The following KCNC2 variants were observed in gnomAD, a reference collection of about 807,000 sequenced individuals.
KCNC2 encodes the protein potassium voltage-gated channel subfamily C member 2.
A neutral mutation model predicts 44.5 loss-of-function variants in KCNC2; 21 were observed. That is an observed-to-expected ratio of 0.47 (90% CI 0.33 to 0.68). KCNC2 has a LOEUF of 0.68. Among genes scored for constraint, KCNC2 ranks in the 30% least tolerant of loss-of-function variants. KCNC2 has a pLI of 0.01. For missense variants in KCNC2, 589 were observed against 826.2 expected (o/e 0.71, Z 3.52); for synonymous variants, 391 against 339.1 (o/e 1.15, Z -1.68).
At chr12:75,050,171 A>G (rs1025597031) in intron 3 of KCNC2, among the ~76,000 whole-genome samples, 2 of 151,900 alleles carry the variant, frequency 1.3e-5, no homozygotes, top group African/African-American at 2.4e-5. Flanking sequence ...CTAAAGCAGG[A>G]AAACTCTATA....
At chr12:75,075,621 T>C (rs1223374402) in intron 2 of KCNC2, among the ~76,000 whole-genome samples, 1 of 151,914 alleles carries the variant, frequency 6.6e-6, no homozygotes, top group East Asian at 1.9e-4. Context: ...AGAAGGCAGA[T>C]GACATGGTCA....
chr12:75,171,631 G>T (rs955744498), intron 2 of KCNC2, among the ~76,000 whole-genome samples: 1 of 151,830 alleles, frequency 6.6e-6, no homozygotes, highest in African/African-American at 2.4e-5. Flanking sequence ...GGCTAGTGGG[G>T]AGGGAGGAAT....
In KCNC2 at chr12:75,042,206, ATT is replaced by A. The variant is rs537467144; in HGVS notation, c.*897_*898del. The A allele has an allele frequency of 1.5e-4, 160 of 1,054,072 alleles. No homozygotes were observed. Among genetic ancestry groups the A allele is most frequent in the South Asian group, 5.0e-4 (21 of 41,860 alleles). 65.3% of individuals were successfully genotyped at this position (1,054,072 alleles called of 1,614,324 possible). A position where few individuals can be genotyped will look rare whatever the true frequency, so the allele number is the denominator to read the frequency against. The stretch of plus-strand genomic sequence containing the variant: ...CTGAAAATGATGACAAACCCTGGGT[ATT>A]TTTTTTTTTTAAAGAGTCTAGAACC... On this transcript the variant is annotated 3_prime_UTR_variant, in exon 5 of 5. Transcript: ENST00000549446.
intron 2 of KCNC2, among the ~76,000 whole-genome samples, chr12:75,071,354 G>A (rs952648831): frequency 2.0e-5 from 3 of 151,958 alleles, no homozygotes; most frequent in Non-Finnish European, 2.9e-5. Context: ...CCAGCTTCAC[G>A]AATAAAGGGG....
intron 4 of KCNC2, chr12:75,043,625 A>T: frequency 8.0e-7 from 1 of 1,246,862 alleles, no homozygotes. Context: ...AAAGAGAAAT[A>T]AGTAGGCTAC....
intron 2 of KCNC2, among the ~76,000 whole-genome samples, chr12:75,127,873 T>G (rs1888548899): frequency 6.6e-6 from 1 of 152,154 alleles, no homozygotes; most frequent in Non-Finnish European, 1.5e-5. Flanking sequence ...CAGTTTCAGT[T>G]GCAATATTGT....
At chr12:75,120,431 T>G (rs1887971561) in intron 2 of KCNC2, among the ~76,000 whole-genome samples, 1 of 152,206 alleles carries the variant, frequency 6.6e-6, no homozygotes, top group Non-Finnish European at 1.5e-5. Context: ...CAGCTGGTAT[T>G]GCACATAGCA....
rs576537391 is a variant in KCNC2, at chr12:75,113,484, A to G, written c.688-62167T>C. On this transcript the variant is annotated intron_variant, in intron 2 of 4. Transcript: ENST00000549446. ...ATGAAAATAGAGAATTCTCTTCAGTATCATCGTTCAAAATATTCTTACATG... is the reference window on the plus strand; with the variant it reads ...ATGAAAATAGAGAATTCTCTTCAGTGTCATCGTTCAAAATATTCTTACATG... 5.6e-4 allele frequency among the ~76,000 whole-genome samples: 85 copies of G among 152,330 alleles called. 1 individual carries two copies. The highest frequency in any genetic ancestry group is 3.4e-3 in the Middle Eastern group (1 of 294).
chr12:75,208,277 T>G (rs369576538), intron 1 of KCNC2, among the ~76,000 whole-genome samples: 48 of 152,270 alleles, frequency 3.2e-4, no homozygotes, highest in African/African-American at 1.1e-3. Flanking sequence ...TCCTTTCTTT[T>G]GGCTCTGATC....
Position 75,043,116 on chromosome 12 carries a change from A to T in KCNC2, c.1906T>A (p.Ser636Thr), listed in dbSNP as rs964920907. 3.1e-6 allele frequency: 5 copies of T among 1,612,096 alleles called. No individual in the cohort carries two copies. Among genetic ancestry groups the T allele is most frequent in the Non-Finnish European group, 4.2e-6 (5 of 1,178,768 alleles). ...PLRRSRSPIPSIL is the reference protein window; with the variant it reads ...PLRRSRSPIPTIL ...TTTGGTTGTTTGGTTTACAAGATAGATGGGATGGGAGATCGAGAGCGCCTC... is the reference window on the plus strand; with the variant it reads ...TTTGGTTGTTTGGTTTACAAGATAGTTGGGATGGGAGATCGAGAGCGCCTC... Residue 636 changes from serine (S) to threonine (T), a missense_variant, in exon 5 of 5, where the codon TCT becomes ACT. Around this residue, in one of 7 missense-constraint regions of KCNC2, gnomAD observed 171 missense variants for 182.4 expected, o/e 0.94. Transcript: ENST00000549446.
chr12:75,204,730 G>C (rs571618142), intron 2 of KCNC2, among the ~76,000 whole-genome samples: 1 of 152,070 alleles, frequency 6.6e-6, no homozygotes, highest in Non-Finnish European at 1.5e-5. Flanking sequence ...AAACTAGTCA[G>C]ATAACGTTGT....
chr12:75,198,128 C>T (rs921026625), intron 2 of KCNC2, among the ~76,000 whole-genome samples: 4 of 151,822 alleles, frequency 2.6e-5, no homozygotes, highest in Non-Finnish European at 5.9e-5. Context: ...CCTAATAATA[C>T]ATTAAAATAT....
intron 2 of KCNC2, among the ~76,000 whole-genome samples, chr12:75,197,195 G>C (rs1455239359): frequency 6.6e-6 from 1 of 151,954 alleles, no homozygotes; most frequent in African/African-American, 2.4e-5. Context: ...TTGCTGTCCT[G>C]GACTGAGAGT....
Position 75,048,320 on chromosome 12 carries a change from G to T in KCNC2, c.1616-3C>A, listed in dbSNP as rs1880773854. On this transcript the variant is annotated splice_region_variant and splice_polypyrimidine_tract_variant and intron_variant, in intron 3 of 4. Transcript: ENST00000549446. ...TGTACTGTCGTCACCTGATAACACT[G>T]GTCACAGCACCATGCCCATTGACAG... is the stretch of plus-strand genomic sequence containing the variant. 6.2e-7 allele frequency: 1 copy of T among 1,607,378 alleles called. No individual in the cohort carries two copies. The highest frequency in any genetic ancestry group is 1.3e-5 in the African/African-American group (1 of 74,494).
intron 4 of KCNC2, 176 bp from the exon 5 acceptor site, chr12:75,043,417 C>A: frequency 7.3e-7 from 1 of 1,367,446 alleles, no homozygotes; most frequent in Non-Finnish European, 9.4e-7. Context: ...ACTGTAGTTG[C>A]CATTTTGAAA....
intron 3 of KCNC2, among the ~76,000 whole-genome samples, chr12:75,049,353 A>G (rs983572645): frequency 2.0e-5 from 3 of 152,138 alleles, no homozygotes; most frequent in Admixed American, 1.3e-4. Flanking sequence ...TAAAATCATC[A>G]TAAGTCATTT....
At chr12:75,054,703 T>C (rs1004075383) in intron 2 of KCNC2, among the ~76,000 whole-genome samples, 6 of 152,010 alleles carry the variant, frequency 3.9e-5, no homozygotes, top group African/African-American at 1.4e-4. Context: ...AGAAGAGTCA[T>C]AAAAATAAGA....
intron 2 of KCNC2, among the ~76,000 whole-genome samples, chr12:75,177,546 C>A (rs891089354): frequency 6.6e-6 from 1 of 151,944 alleles, no homozygotes; most frequent in African/African-American, 2.4e-5. Flanking sequence ...ATTAACCTAT[C>A]GGCTCAGCTA....
intron 2 of KCNC2, among the ~76,000 whole-genome samples, chr12:75,196,302 A>C (rs1268294263): frequency 1.3e-5 from 2 of 152,114 alleles, no homozygotes; most frequent in African/African-American, 4.8e-5. Flanking sequence ...TAAATGAAAT[A>C]ATTACTTCTA....
Sources: allele counts gnomAD v4.1 joint callset (sites outside exome capture counted in the v4.1 genomes callset), GRCh38; gene constraint gnomAD v4.1.1; regional missense constraint gnomAD v4.1.1; transcripts MANE v1.5; gene names NCBI Gene and HGNC (gene_info 2026-07-23, HGNC 2026-07-21).